ZBTB20: variants seen among roughly 807,000 people sequenced by gnomAD.
The protein encoded by ZBTB20 is zinc finger and BTB domain-containing protein 20.
A neutral mutation model predicts 56.9 loss-of-function variants in ZBTB20; 9 were observed. That is an observed-to-expected ratio of 0.16 (90% confidence interval 0.10 to 0.28). ZBTB20 has a LOEUF of 0.28. Among genes scored for constraint, ZBTB20 ranks in the 10% least tolerant of loss-of-function variants. The probability of loss-of-function intolerance (pLI) is 1.00; values close to 1 mark genes in which losing one functional copy is unlikely to be tolerated. For missense variants in ZBTB20, 655 were observed against 1,003.0 expected (o/e 0.65, Z 4.69); for synonymous variants, 417 against 420.7 (o/e 0.99, Z 0.11).
At chr3:114,445,449 A>G (rs2091212107) in intron 7 of ZBTB20, 1 of 152,158 alleles carries the variant, frequency 6.6e-6, no homozygotes, top group South Asian at 2.1e-4. Context: ...GTAATCAAAC[A>G]TGTTTCATTG....
Position 114,588,448 on chromosome 3 carries a change from T to C in ZBTB20, c.-294-88057A>G, listed in dbSNP as rs185432507. ...CCTTTCCTTGATGGGTGGCAAATAATAAACTCAGTGAGATCTGCATTATAT... is the reference window on the plus strand; with the variant it reads ...CCTTTCCTTGATGGGTGGCAAATAACAAACTCAGTGAGATCTGCATTATAT... On this transcript the variant is annotated intron_variant, in intron 6 of 11. Coordinates refer to ENST00000675478, the MANE Select transcript of ZBTB20 (RefSeq NM_001348800.3). Among the ~76,000 whole-genome samples, 555 of 152,316 alleles carry C rather than the reference T, an allele frequency of 3.6e-3. 5 individuals are homozygous for C. The highest frequency in any genetic ancestry group is 0.013 in the African/African-American group (532 of 41,568).
At chr3:115,085,043 T>C (rs967567722) in intron 1 of ZBTB20, among the ~76,000 whole-genome samples, 24 of 152,026 alleles carry the variant, frequency 1.6e-4, no homozygotes, top group African/African-American at 5.8e-4. Flanking sequence ...GTGAAAACGA[T>C]AGTTCATCTT....
rs147789701 is a variant in ZBTB20, at chr3:114,637,139, T to C, written c.-295+56389A>G. 2.5e-4 allele frequency among the ~76,000 whole-genome samples: 38 copies of C among 152,252 alleles called. No individual in the cohort carries two copies. In the East Asian group the frequency reaches 5.6e-3, roughly 22 times the overall value. ...AAGTGATTAATTCATTAAAATGATA[T>C]AATAATCCCCTTGATTAGGATCCTT... On this transcript the variant is annotated intron_variant, in intron 6 of 11. Transcript: ENST00000675478.
intron 5 of ZBTB20, among the ~76,000 whole-genome samples, chr3:114,776,436 A>G (rs1222609847): frequency 6.6e-6 from 1 of 152,178 alleles, no homozygotes; most frequent in Non-Finnish European, 1.5e-5. Context: ...GATTGCAGTG[A>G]TGTGGCCACA....
At chr3:114,389,887 CA>C (rs34247337) in intron 7 of ZBTB20, among the ~76,000 whole-genome samples, 25,574 of 76,382 alleles carry the variant, frequency 0.33, 1,701 homozygotes, top group East Asian at 0.46. Flanking sequence ...GAGTCCATCT[CA>C]AAAAAAAAAA....
intron 5 of ZBTB20, among the ~76,000 whole-genome samples, chr3:114,729,815 T>A (rs1358189494): frequency 6.6e-6 from 1 of 152,104 alleles, no homozygotes; most frequent in South Asian, 2.1e-4. Flanking sequence ...TTTTAATTTT[T>A]TTTTTAGAGA....
intron 11 of ZBTB20, among the ~76,000 whole-genome samples, chr3:114,341,309 G>A (rs2079744760): frequency 6.6e-6 from 1 of 151,644 alleles, no homozygotes; most frequent in South Asian, 2.1e-4. Context: ...AGACAGTCAT[G>A]CATGTTTTTA....
At chr3:114,771,414 A>G (rs1921491) in intron 5 of ZBTB20, among the ~76,000 whole-genome samples, 137,080 of 152,152 alleles carry the variant, frequency 0.9, 61,992 homozygotes, top group East Asian at 0.98. Context: ...GTTGTAATTA[A>G]AGTAAAAAAA....
chr3:115,065,447 C>T (rs535070633), intron 2 of ZBTB20, among the ~76,000 whole-genome samples: 3 of 152,282 alleles, frequency 2.0e-5, no homozygotes, highest in African/African-American at 7.2e-5. Context: ...GCCAGTTCCT[C>T]CTTTACATCT....
chr3:115,018,860 TG>T (rs2080087548), intron 2 of ZBTB20, among the ~76,000 whole-genome samples: 1 of 151,350 alleles, frequency 6.6e-6, no homozygotes, highest in African/African-American at 2.4e-5. Flanking sequence ...AGTTTATGGG[TG>T]ACTGCAGTAA....
chr3:114,482,695 A>G (rs1006732973), intron 7 of ZBTB20, among the ~76,000 whole-genome samples: 1 of 152,124 alleles, frequency 6.6e-6, no homozygotes, highest in Non-Finnish European at 1.5e-5. Context: ...AAAGTAACCA[A>G]TCTGCTCAAA....
At chr3:114,792,200 C>G (rs777955030) in intron 5 of ZBTB20, 1 of 152,100 alleles carries the variant, frequency 6.6e-6, no homozygotes, top group Admixed American at 6.6e-5. Context: ...AACATTGAAC[C>G]AGAATTGGAT....
intron 6 of ZBTB20, among the ~76,000 whole-genome samples, chr3:114,501,957 C>T (rs561738287): frequency 2.6e-5 from 4 of 152,164 alleles, no homozygotes; most frequent in African/African-American, 9.6e-5. Context: ...ATCCACCCAC[C>T]TTGGCCTCCC....
intron 7 of ZBTB20, among the ~76,000 whole-genome samples, chr3:114,486,141 G>C (rs1372561683): frequency 1.1e-5 from 1 of 91,500 alleles, no homozygotes; most frequent in Non-Finnish European, 2.3e-5. Flanking sequence ...TGTGTGTGGG[G>C]GGGGGGGGCG....
chr3:114,816,424 T>C (rs1234221176), intron 4 of ZBTB20, among the ~76,000 whole-genome samples: 1 of 152,186 alleles, frequency 6.6e-6, no homozygotes, highest in Non-Finnish European at 1.5e-5. Flanking sequence ...ATCAATAGTA[T>C]TACTTTTGAA....
At chr3:114,759,706 C>G (rs1381418790) in intron 5 of ZBTB20, among the ~76,000 whole-genome samples, 1 of 152,098 alleles carries the variant, frequency 6.6e-6, no homozygotes, top group Non-Finnish European at 1.5e-5. Flanking sequence ...AAAAAAATCT[C>G]ATACCTCATC....
chr3:114,576,262 G>A (rs574452897), intron 6 of ZBTB20, among the ~76,000 whole-genome samples: 1 of 152,056 alleles, frequency 6.6e-6, no homozygotes, highest in Non-Finnish European at 1.5e-5. Context: ...CACTTTGGGA[G>A]GCCAAGGCGG....
chr3:114,593,479 G>A (rs1158262920), intron 6 of ZBTB20, among the ~76,000 whole-genome samples: 1 of 151,536 alleles, frequency 6.6e-6, no homozygotes, highest in Non-Finnish European at 1.5e-5. Context: ...CTGCCTCTGG[G>A]GTTTAAGCGA....
At chr3:115,073,235 T>C (rs748977359) in intron 1 of ZBTB20, among the ~76,000 whole-genome samples, 9 of 152,212 alleles carry the variant, frequency 5.9e-5, no homozygotes, top group Non-Finnish European at 1.0e-4. Context: ...TATGTCAAAG[T>C]GAAAATAACT....
Sources: allele counts gnomAD v4.1 joint callset (sites outside exome capture counted in the v4.1 genomes callset), GRCh38; gene constraint gnomAD v4.1.1; transcripts MANE v1.5; gene names NCBI Gene and HGNC (gene_info 2026-07-23, HGNC 2026-07-21).